SERTAD3: variants seen among roughly 807,000 people sequenced by gnomAD.
The protein encoded by SERTAD3 is SERTA domain containing 3, also known as SERTA domain-containing protein 3.
A neutral mutation model predicts 11.9 loss-of-function variants in SERTAD3; 6 were observed. The observed-to-expected ratio is 0.50, with a 90% CI of 0.28 to 0.99. The LOEUF is 0.99. Ranked by LOEUF, SERTAD3 falls within the 50% of genes least tolerant of loss-of-function variation. The pLI, the probability that SERTAD3 is intolerant of heterozygous loss-of-function variation, is 0.11. For missense variants in SERTAD3, 261 were observed against 240.9 expected, an observed-to-expected ratio of 1.08 and a Z score of -0.55; for synonymous variants, 101 against 98.9, an observed-to-expected ratio of 1.02 and a Z score of -0.13.
rs773316562 is a variant in SERTAD3 at position 40,441,757 on chromosome 19, C to G, written c.324G>C (p.Gly108=). ...ILRELDTSMD[G]TEPPQNPVTP... is the part of the protein sequence containing the mutation. ...TCACTGGATTCTGAGGGGGCTCAGT[C>G]CCATCCATGGAGGTGTCCAGCTCCC... is the stretch of plus-strand genomic sequence containing the variant. The change falls in exon 2 of 2, where the codon GGG becomes GGC. Residue 108 remains glycine, a synonymous_variant. Coordinates refer to ENST00000322354, the MANE Select transcript of SERTAD3 (RefSeq NM_203344.3). 1 of 1,613,884 alleles carries G rather than the reference C, an allele frequency of 6.2e-7. No homozygotes were observed. Among genetic ancestry groups the G allele is most frequent in the Non-Finnish European group, 8.5e-7 (1 of 1,179,886 alleles).
Position 40,441,374 on chromosome 19 carries a change from AAGG to A in SERTAD3, c.*113_*115del. On this transcript the variant is annotated 3_prime_UTR_variant, in exon 2 of 2. Transcript: ENST00000322354. ...TTTGTGGAACCCTGAAATGGGAACA[AAGG>A]AGGCCATAGTCACTGCTTCGAGCCC... 1.1e-6 allele frequency: 1 copy of A among 891,890 alleles called. No individual in the cohort carries two copies. The allele number at this position is 891,890 out of a possible 1,614,324, so 55.2% of individuals were successfully genotyped here.
At chr19:40,443,476 C>A (rs2079694383) in intron 1 of SERTAD3, 1 of 153,576 alleles carries the variant, frequency 6.5e-6, no homozygotes, top group African/African-American at 2.4e-5. Flanking sequence ...AGGCCCGGAA[C>A]ACCCCTCCCC....
rs139647276 is a variant in SERTAD3 at position 40,442,291 on chromosome 19, G to T, written c.-6-205C>A. 0.012 allele frequency: 4,708 copies of T among 395,436 alleles called. 238 individuals are homozygous for T. The Admixed American group carries it at 0.13, about 11-fold the overall frequency. 24.5% of individuals were successfully genotyped at this position (395,436 alleles called of 1,614,324 possible). On this transcript the variant is annotated intron_variant, in intron 1 of 1. Coordinates refer to ENST00000322354, the MANE Select transcript of SERTAD3 (RefSeq NM_203344.3). Reference sequence around the variant, plus strand: ...TACGATTAAGAAAATAAGATCTGGCGTTACGTACAGCTAGATTTAAATCTC... The same window carrying T: ...TACGATTAAGAAAATAAGATCTGGCTTTACGTACAGCTAGATTTAAATCTC...
Position 40,441,480 on chromosome 19 carries a change from TA to T in SERTAD3, c.*9del. On this transcript the variant is annotated 3_prime_UTR_variant, in exon 2 of 2. Transcript: ENST00000322354. ...GACATGAGGAAGGATCGATCCCCTC[TA>T]TCACAGTTTTAGGACCCCAGAATGA... The T allele has an allele frequency of 6.3e-7, 1 of 1,589,200 alleles. No homozygotes were observed. Among genetic ancestry groups the T allele is most frequent in the Non-Finnish European group, 8.6e-7 (1 of 1,166,800 alleles).
chr19:40,442,808 C>A (rs539904919), intron 1 of SERTAD3, among the ~76,000 whole-genome samples: 30 of 152,124 alleles, frequency 2.0e-4, no homozygotes, highest in Non-Finnish European at 3.4e-4. Context: ...TGGGCTCAAG[C>A]GATCCTCCCG....
Position 40,442,058 on chromosome 19 carries a change from T to A in SERTAD3, c.23A>T (p.Lys8Ile). 6.7e-7 allele frequency: 1 copy of A among 1,493,208 alleles called. No homozygotes were observed. The highest frequency in any genetic ancestry group is 8.9e-7 in the Non-Finnish European group (1 of 1,122,684). The allele number at this position is 1,493,208 out of a possible 1,614,324, so 92.5% of individuals were successfully genotyped here. Residue 8 changes from lysine (K) to isoleucine (I), a missense_variant, in exon 2 of 2, where the codon AAA becomes ATA. Lys to Ile is a moderately radical substitution (Grantham distance 102). Transcript: ENST00000322354. MVGGLKRKHSDLEEEEER... is the reference protein window; with the variant it reads MVGGLKRIHSDLEEEEER... ...CTCCTCCTCTTCCAAATCAGAGTGT[T>A]TCCTCTTCAAGCCTCCCACCATGAT...
rs760497577 is a variant in SERTAD3, at chr19:40,441,401, C to T, written c.*89G>A. On this transcript the variant is annotated 3_prime_UTR_variant, in exon 2 of 2. Transcript: ENST00000322354. ...GGAGGCCATAGTCACTGCTTCGAGCCCCCACAAAAACACACACCCAGAGTT... is the reference window on the plus strand; with the variant it reads ...GGAGGCCATAGTCACTGCTTCGAGCTCCCACAAAAACACACACCCAGAGTT... The T allele has an allele frequency of 1.7e-5, 20 of 1,176,740 alleles. No homozygotes were observed. Among genetic ancestry groups the T allele is most frequent in the Non-Finnish European group, 2.4e-5 (20 of 823,688 alleles). The allele number at this position is 1,176,740 out of a possible 1,614,324, so 72.9% of individuals were successfully genotyped here.
rs1218157253 is a variant in SERTAD3, at chr19:40,441,281, A to C, written c.*209T>G. On this transcript the variant is annotated 3_prime_UTR_variant, in exon 2 of 2. Coordinates refer to ENST00000322354, the MANE Select transcript of SERTAD3 (RefSeq NM_203344.3). ...TCGTTAAGGCATTTGGAATAGATAA[A>C]TTAATTCAGGAAGACCCACCTTCAC... 2.0e-6 allele frequency: 1 copy of C among 510,440 alleles called. No individual in the cohort carries two copies. Among genetic ancestry groups the C allele is most frequent in the African/African-American group, 2.0e-5 (1 of 51,252 alleles). 31.6% of individuals were successfully genotyped at this position (510,440 alleles called of 1,614,324 possible).
Position 40,441,843 on chromosome 19 carries a change from C to CG in SERTAD3, c.237dup (p.Glu80ArgfsTer31), listed in dbSNP as rs766898129. 29 of 1,530,516 alleles carry CG rather than the reference C, an allele frequency of 1.9e-5. No individual in the cohort carries two copies. Among genetic ancestry groups the CG allele is most frequent in the Non-Finnish European group, 2.2e-5 (25 of 1,133,122 alleles). 94.8% of individuals were successfully genotyped at this position (1,530,516 alleles called of 1,614,324 possible). ...TCCTCCTCGCCCAGGAAGAGGGGCT[C>CG]GGGGGGCAGGGCAGGGGCGGGAGCC... is the stretch of plus-strand genomic sequence containing the variant. On this transcript the variant is annotated frameshift_variant, in exon 2 of 2. Transcript: ENST00000322354. LOFTEE classifies it high-confidence loss of function.
At chr19:40,443,123 G>C (rs1027151462) in intron 1 of SERTAD3, among the ~76,000 whole-genome samples, 1 of 151,748 alleles carries the variant, frequency 6.6e-6, no homozygotes, top group Non-Finnish European at 1.5e-5. Context: ...CTCAGACCAA[G>C]CCCCGCCCCC....
In SERTAD3 at chr19:40,441,647, G is replaced by A. The variant is rs753922176; in HGVS notation, c.434C>T (p.Ser145Phe). ...EALSSRYLGD[S>F]GLDDFFLDID... The stretch of plus-strand genomic sequence containing the variant: ...GTCCAGAAAGAAGTCATCCAGGCCA[G>A]AGTCCCCCAAGTACCGGGAGCTCAG... The change falls in exon 2 of 2, where the codon TCT (serine) becomes TTT (phenylalanine). Residue 145 changes from serine (S) to phenylalanine (F), a missense_variant. Coordinates refer to ENST00000322354, the MANE Select transcript of SERTAD3 (RefSeq NM_203344.3). The A allele has an allele frequency of 6.2e-7, 1 of 1,614,224 alleles. No individual in the cohort carries two copies. Among genetic ancestry groups the A allele is most frequent in the South Asian group, 1.1e-5 (1 of 91,088 alleles).
intron 1 of SERTAD3, chr19:40,443,927 C>T (rs1313584542): frequency 6.5e-6 from 1 of 153,756 alleles, no homozygotes; most frequent in African/African-American, 2.4e-5. Flanking sequence ...GGAATCGAAT[C>T]TCCAGGTTCC....
rs1017475292 is a variant in SERTAD3 at position 40,441,191 on chromosome 19, T to G, written c.*299A>C. The G allele has an allele frequency of 4.1e-5, 10 of 243,414 alleles. No homozygotes were observed. The highest frequency in any genetic ancestry group is 7.4e-5 in the South Asian group (1 of 13,582). The allele number at this position is 243,414 out of a possible 1,614,324, so 15.1% of individuals were successfully genotyped here. On this transcript the variant is annotated 3_prime_UTR_variant, in exon 2 of 2. Coordinates refer to ENST00000322354, the MANE Select transcript of SERTAD3 (RefSeq NM_203344.3). ...TGAGGCCCCAGTGGTCACAGGGGAG[T>G]GGGAACTAGCAGGAAAGGTGGAAGA...
intron 1 of SERTAD3, among the ~76,000 whole-genome samples, chr19:40,443,246 G>C (rs944004035): frequency 6.6e-6 from 1 of 152,052 alleles, no homozygotes; most frequent in Admixed American, 6.6e-5. Context: ...GGGAAACGGG[G>C]GCCAACAGCC....
At chr19:40,443,982 G>C (rs1031849372) in intron 1 of SERTAD3, 3 of 153,606 alleles carry the variant, frequency 2.0e-5, no homozygotes, top group Non-Finnish European at 2.9e-5. Flanking sequence ...TTCTCCAAAA[G>C]CCCAACGTCC....
At chr19:40,443,636 A>ACTAC (rs571830295) in intron 1 of SERTAD3, 98 of 153,678 alleles carry the variant, frequency 6.4e-4, no homozygotes, top group African/African-American at 2.1e-3. Flanking sequence ...AGTTCGGGAG[A>ACTAC]CTACGTATCC....
intron 1 of SERTAD3, among the ~76,000 whole-genome samples, chr19:40,442,867 A>C (rs2079688910): frequency 6.6e-6 from 1 of 152,112 alleles, no homozygotes; most frequent in Non-Finnish European, 1.5e-5. Flanking sequence ...GGCCTCGATC[A>C]AGAGTTAATT....
Position 40,441,907 on chromosome 19 carries a change from G to C in SERTAD3, c.174C>G (p.Ile58Met). Residue 58 changes from isoleucine (I) to methionine (M), a missense_variant, in exon 2 of 2, where the codon ATC becomes ATG. Physicochemically the swap from Ile to Met is conservative, Grantham distance 10 (BLOSUM62 1). Coordinates refer to ENST00000322354, the MANE Select transcript of SERTAD3 (RefSeq NM_203344.3). ...CCTGCAGCTGTTGGAGGGTGTTATG[G>C]ATGAGGACATGCCTGCGGAGGCTGG... ...RAPSLRRHVL[I>M]HNTLQQLQAA... is the part of the protein sequence containing the mutation. The C allele has an allele frequency of 1.3e-6, 2 of 1,580,098 alleles. No homozygotes were observed. Among genetic ancestry groups the C allele is most frequent in the South Asian group, 1.2e-5 (1 of 85,478 alleles).
In SERTAD3 at chr19:40,441,825, C is replaced by T. The variant is rs377006128; in HGVS notation, c.256G>A (p.Glu86Lys). Residue 86 changes from glutamate to lysine, a missense_variant, in exon 2 of 2, where the codon GAG becomes AAG. Glu to Lys is a moderately conservative substitution (Grantham distance 56, BLOSUM62 1). Transcript: ENST00000322354. ...GTGGCTGACAGGGAGAAATCCTCCT[C>T]GCCCAGGAAGAGGGGCTCGGGGGGC... is the stretch of plus-strand genomic sequence containing the variant. ...ALPPEPLFLG[E>K]EDFSLSATIG... 8 of 1,587,734 alleles carry T rather than the reference C, an allele frequency of 5.0e-6. No homozygotes were observed. Among genetic ancestry groups the T allele is most frequent in the Middle Eastern group, 1.7e-4 (1 of 5,892 alleles).
Sources: allele counts gnomAD v4.1 joint callset (sites outside exome capture counted in the v4.1 genomes callset), GRCh38; gene constraint gnomAD v4.1.1; transcripts MANE v1.5; gene names NCBI Gene and HGNC (gene_info 2026-07-23, HGNC 2026-07-21).